Variants in MGAT4C observed in about 807,000 individuals in gnomAD.
MGAT4C encodes the protein alpha-1,3-mannosyl-glycoprotein 4-beta-N-acetylglucosaminyltransferase C.
Under a neutral mutation model 40.1 loss-of-function variants are expected in MGAT4C, and 19 were observed. The observed-to-expected ratio is 0.47, with a 90% confidence interval of 0.33 to 0.70. MGAT4C has a LOEUF of 0.70. Among genes scored for constraint, MGAT4C ranks in the 30% least tolerant of loss-of-function variants. The pLI is 0.02. For synonymous variants in MGAT4C, 181 were observed against 187.1 expected (o/e 0.97, Z 0.27); for missense variants, 491 against 563.2 (o/e 0.87, Z 1.30).
intron 2 of MGAT4C, among the ~76,000 whole-genome samples, chr12:86,464,024 G>A (rs899915762): frequency 1.3e-5 from 2 of 152,160 alleles, no homozygotes; most frequent in Non-Finnish European, 2.9e-5. Flanking sequence ...CAGAGTTAAT[G>A]TGTTTTTAAT....
rs377022639 is a variant in MGAT4C, at chr12:86,534,033, T to C, written c.-228-98768A>G. On this transcript the variant is annotated intron_variant, in intron 2 of 7. Transcript: ENST00000548651. ...GTATTTTACTTCAAAATATATTTCATTGATATATATTGAAATGGCCTCACA... is the reference window on the plus strand; with the variant it reads ...GTATTTTACTTCAAAATATATTTCACTGATATATATTGAAATGGCCTCACA... Among the ~76,000 whole-genome samples the C allele has an allele frequency of 2.2e-4, 33 of 152,178 alleles. No homozygotes were observed. The East Asian group carries it at 3.7e-3, about 17-fold the overall frequency.
chr12:86,089,159 C>T (rs1392267909), intron 1 of MGAT4C, among the ~76,000 whole-genome samples: 1 of 151,870 alleles, frequency 6.6e-6, no homozygotes, highest in African/African-American at 2.4e-5. Flanking sequence ...GCAAAGTTAT[C>T]AAACAGAAAG....
chr12:86,510,243 C>A (rs1040224566), intron 2 of MGAT4C, among the ~76,000 whole-genome samples: 11 of 152,028 alleles, frequency 7.2e-5, no homozygotes, highest in Non-Finnish European at 1.3e-4. Flanking sequence ...CCCATCAATA[C>A]CTAATTTATT....
chr12:86,798,344 A>G (rs1952167342), intron 1 of MGAT4C, among the ~76,000 whole-genome samples: 1 of 151,846 alleles, frequency 6.6e-6, no homozygotes, highest in Non-Finnish European at 1.5e-5. Flanking sequence ...TGTTCTTCCC[A>G]TCTTCCTCTT....
At chr12:86,417,160 TA>T (rs568860658) in intron 3 of MGAT4C, among the ~76,000 whole-genome samples, 14 of 152,216 alleles carry the variant, frequency 9.2e-5, no homozygotes, top group East Asian at 5.8e-4. Context: ...AATAGTTGAA[TA>T]TTTTTTTTTC....
At chr12:86,283,707 G>A (rs548619062) in intron 4 of MGAT4C, among the ~76,000 whole-genome samples, 1 of 152,194 alleles carries the variant, frequency 6.6e-6, no homozygotes, top group African/African-American at 2.4e-5. Flanking sequence ...AGTGTATTCT[G>A]TTTTCAACTA....
At chr12:85,998,588 T>G (rs1437936406) in intron 2 of MGAT4C, among the ~76,000 whole-genome samples, 1 of 152,158 alleles carries the variant, frequency 6.6e-6, no homozygotes, top group African/African-American at 2.4e-5. Context: ...TAAATCATCT[T>G]TCTCAAGTTC....
At chr12:86,416,018 A>G (rs1356416145) in intron 3 of MGAT4C, among the ~76,000 whole-genome samples, 2 of 152,172 alleles carry the variant, frequency 1.3e-5, no homozygotes, top group South Asian at 2.1e-4. Context: ...TTTAGAGGGG[A>G]AAATAGGCTT....
At chr12:86,326,067 CTAT>C (rs909111707) in intron 4 of MGAT4C, among the ~76,000 whole-genome samples, 2 of 151,796 alleles carry the variant, frequency 1.3e-5, no homozygotes, top group African/African-American at 2.4e-5. Flanking sequence ...CTGAGCTTGC[CTAT>C]TATTTAGAAT....
chr12:86,686,582 A>G (rs1950076725), intron 2 of MGAT4C, among the ~76,000 whole-genome samples: 1 of 152,166 alleles, frequency 6.6e-6, no homozygotes, highest in Non-Finnish European at 1.5e-5. Context: ...TTCTGCATCT[A>G]TTGAGATAAT....
At chr12:86,816,443 T>C (rs982658059) in intron 1 of MGAT4C, among the ~76,000 whole-genome samples, 1 of 151,770 alleles carries the variant, frequency 6.6e-6, no homozygotes, top group East Asian at 1.9e-4. Context: ...CTGGTATAGG[T>C]TTCAAATTTT....
At position 86,346,264 on chromosome 12, in the gene MGAT4C, G is replaced by A. The variant is rs114470815; in HGVS notation, c.-119-12137C>T. 2.3e-3 allele frequency among the ~76,000 whole-genome samples: 355 copies of A among 151,838 alleles called. 1 individual carries two copies. Among genetic ancestry groups the A allele is most frequent in the African/African-American group, 7.9e-3 (326 of 41,382 alleles). On this transcript the variant is annotated intron_variant, in intron 3 of 7. Transcript: ENST00000548651. Reference sequence around the variant, plus strand: ...TTTTTTGACAGAGTCTCACTTCTTCGCCCAGGCTGGAATGCAGTGGCACAA... The same window carrying A: ...TTTTTTGACAGAGTCTCACTTCTTCACCCAGGCTGGAATGCAGTGGCACAA...
At chr12:85,990,667 T>C (rs1213615292) in intron 2 of MGAT4C, among the ~76,000 whole-genome samples, 3 of 152,128 alleles carry the variant, frequency 2.0e-5, no homozygotes, top group Non-Finnish European at 2.9e-5. Context: ...TCTTAATATA[T>C]AAGACTTAAT....
At chr12:86,115,953 C>T (rs1272324987) in intron 1 of MGAT4C, among the ~76,000 whole-genome samples, 1 of 151,922 alleles carries the variant, frequency 6.6e-6, no homozygotes, top group Non-Finnish European at 1.5e-5. Context: ...ATTCTGAGAA[C>T]CGAGGTTTAG....
At chr12:86,399,206 G>A (rs1470356420) in intron 3 of MGAT4C, among the ~76,000 whole-genome samples, 2 of 152,002 alleles carry the variant, frequency 1.3e-5, no homozygotes, top group African/African-American at 4.8e-5. Flanking sequence ...TCTTGACCTC[G>A]TGGTCTGCCT....
At position 86,380,317 on chromosome 12, in the gene MGAT4C, C is replaced by T. The variant is rs142826120; in HGVS notation, c.-119-46190G>A. Among the ~76,000 whole-genome samples the T allele has an allele frequency of 3.0e-3, 452 of 152,156 alleles. 2 individuals carry two copies. Among genetic ancestry groups the T allele is most frequent in the African/African-American group, 0.01 (431 of 41,536 alleles). On this transcript the variant is annotated intron_variant, in intron 3 of 7. Coordinates refer to the MGAT4C transcript ENST00000548651. ...CCAAATTTCTGAAAGGCTGTTTTAT[C>T]CAGCTTCTCTTTCTTTTGGTTAAAT...
chr12:86,746,259 G>A lies in MGAT4C; in HGVS notation c.-261-19018C>T, dbSNP rs764810366. On this transcript the variant is annotated intron_variant, in intron 1 of 7. Coordinates refer to the MGAT4C transcript ENST00000548651. ...AGGATCCTTTTAAAGCAGAAATTTT[G>A]TTGTGTTAAACCTCTGTTTAAAAAC... is the stretch of plus-strand genomic sequence containing the variant. Among the ~76,000 whole-genome samples the A allele has an allele frequency of 4.6e-5, 7 of 151,632 alleles. 1 individual carries two copies. The highest frequency in any genetic ancestry group is 1.0e-4 in the Non-Finnish European group (7 of 67,746).
At chr12:86,000,230 A>G (rs1887147976) in intron 2 of MGAT4C, among the ~76,000 whole-genome samples, 1 of 152,154 alleles carries the variant, frequency 6.6e-6, no homozygotes, top group African/African-American at 2.4e-5. Flanking sequence ...GCAAAAAGTA[A>G]ACAAAATAAA....
chr12:86,367,777 G>A (rs1406545442), intron 3 of MGAT4C, among the ~76,000 whole-genome samples: 1 of 152,068 alleles, frequency 6.6e-6, no homozygotes, highest in Non-Finnish European at 1.5e-5. Flanking sequence ...TCCAGCCTAG[G>A]CGACAGAGCG....
Sources: allele counts gnomAD v4.1 joint callset (sites outside exome capture counted in the v4.1 genomes callset), GRCh38; gene constraint gnomAD v4.1.1; transcripts MANE v1.5; gene names NCBI Gene and HGNC (gene_info 2026-07-23, HGNC 2026-07-21).